PPARA: variants seen among roughly 807,000 people sequenced by gnomAD.
The protein encoded by PPARA is peroxisome proliferator-activated receptor alpha.
Under a neutral mutation model 42.2 loss-of-function variants are expected in PPARA, and 22 were observed. That is an observed-to-expected ratio of 0.52 (90% CI 0.37 to 0.74). The LOEUF is 0.74. Among genes scored for constraint, PPARA ranks in the 30% least tolerant of loss-of-function variants. The pLI, the probability that PPARA is intolerant of heterozygous loss-of-function variation, is 0.00. For synonymous variants in PPARA, 242 were observed against 239.3 expected (o/e 1.01, Z -0.10); for missense variants, 465 against 608.2 (o/e 0.76, Z 2.48).
At chr22:46,202,593 C>T (rs1932893570) in intron 4 of PPARA, among the ~76,000 whole-genome samples, 2 of 152,060 alleles carry the variant, frequency 1.3e-5, no homozygotes, top group African/African-American at 4.8e-5. Context: ...AAAAAATTAG[C>T]TGGGCGTGGA....
intron 4 of PPARA, among the ~76,000 whole-genome samples, chr22:46,213,316 C>T (rs1218854029): frequency 1.3e-5 from 2 of 152,126 alleles, no homozygotes; most frequent in African/African-American, 4.8e-5. Flanking sequence ...TCATGCTGAG[C>T]ATTGTTTCAT....
Position 46,198,335 on chromosome 22 carries a change from C to T in PPARA, c.-42-7C>T. On this transcript the variant is annotated splice_polypyrimidine_tract_variant and splice_region_variant and intron_variant, in intron 3 of 8. Transcript: ENST00000407236. The stretch of plus-strand genomic sequence containing the variant: ...CAGTCTTACCAATTGTTCCTCTTTC[C>T]TCCCAGTAGCTTGGAGCTCGGCGGC... 2 of 1,536,204 alleles carry T rather than the reference C, an allele frequency of 1.3e-6. No homozygotes were observed. Among genetic ancestry groups the T allele is most frequent in the Non-Finnish European group, 1.8e-6 (2 of 1,110,436 alleles).
intron 4 of PPARA, among the ~76,000 whole-genome samples, chr22:46,207,538 C>T (rs1933445906): frequency 6.6e-6 from 1 of 150,476 alleles, no homozygotes; most frequent in Non-Finnish European, 1.5e-5. Flanking sequence ...CCACCTCGGC[C>T]TCCCAAAGTG....
In PPARA at chr22:46,191,108, G is replaced by A. The variant is rs989532860; in HGVS notation, c.-42-7234G>A. 1.3e-5 allele frequency among the ~76,000 whole-genome samples: 2 copies of A among 151,996 alleles called. No homozygotes were observed. The highest frequency in any genetic ancestry group is 4.8e-5 in the African/African-American group (2 of 41,398). ...CTCAGGAGGCTGAGGCACGAGAATC[G>A]CTTGAACCCGGGAGGCGTGGGGTTG... On this transcript the variant is annotated intron_variant, in intron 3 of 8. Transcript: ENST00000407236. This position sits in a 1 kb window ranked among gnomAD's most constrained non-coding sequence, Gnocchi z 4.6.
intron 2 of PPARA, among the ~76,000 whole-genome samples, chr22:46,175,238 C>T (rs76562954): frequency 1.3e-5 from 2 of 152,266 alleles, no homozygotes; most frequent in Non-Finnish European, 2.9e-5. Context: ...TAACATCTTG[C>T]AAAGTGAGAG....
chr22:46,194,568 C>CTTTTT (rs1158744441), intron 3 of PPARA, among the ~76,000 whole-genome samples: 5 of 125,518 alleles, frequency 4.0e-5, no homozygotes, highest in Non-Finnish European at 8.2e-5. Context: ...TTGCTTTTTC[C>CTTTTT]TTTTTTTTTT....
rs1392812821 is a variant in PPARA at position 46,211,841 on chromosome 22, A to G, written c.209-3332A>G. On this transcript the variant is annotated intron_variant, in intron 4 of 8. Transcript: ENST00000407236. The surrounding 1 kb of genome is among the most constrained non-coding windows in gnomAD (Gnocchi z 4.1). ...GCTGGGACTACAGGCACGCACCACCACCCCTGGCTAACTTTTTGTATTTTT... is the reference window on the plus strand; with the variant it reads ...GCTGGGACTACAGGCACGCACCACCGCCCCTGGCTAACTTTTTGTATTTTT... 6.6e-6 allele frequency among the ~76,000 whole-genome samples: 1 copy of G among 151,044 alleles called. No individual in the cohort carries two copies. The highest frequency in any genetic ancestry group is 1.5e-5 in the Non-Finnish European group (1 of 67,804).
In PPARA at chr22:46,174,000, C is replaced by T. The variant is rs1442271499; in HGVS notation, c.-126-2753C>T. On this transcript the variant is annotated intron_variant, in intron 2 of 8. Transcript: ENST00000407236. This position sits in a 1 kb window ranked among gnomAD's most constrained non-coding sequence, Gnocchi z 4.3. ...TGGGTGGATTGTGAGGTCAGGAGAT[C>T]GAGACCCTCTCTACTAAAATACAAA... 1.6e-5 allele frequency among the ~76,000 whole-genome samples: 1 copy of T among 64,392 alleles called. No individual in the cohort carries two copies. Among genetic ancestry groups the T allele is most frequent in the African/African-American group, 1.6e-4 (1 of 6,218 alleles). The allele number at this position is 64,392 out of a possible 152,430, so 42.2% of individuals were successfully genotyped here.
At chr22:46,157,705 G>T (rs1024503716) in intron 2 of PPARA, among the ~76,000 whole-genome samples, 2 of 152,208 alleles carry the variant, frequency 1.3e-5, no homozygotes, top group African/African-American at 2.4e-5. Flanking sequence ...TGAAAGGGAA[G>T]TGAGGTGGGC....
rs973896490 is a variant in PPARA at position 46,230,380 on chromosome 22, A to AG, written c.712-1412_712-1411insG. ...GAGCAAAACTCTGTCTCAAAAAAAA[A>AG]AGAAATAACACCTTAGCCCACTGCA... On this transcript the variant is annotated intron_variant, in intron 7 of 8. Transcript: ENST00000407236. The surrounding 1 kb of genome is among the most constrained non-coding windows in gnomAD (Gnocchi z 5.0). 1.8e-4 allele frequency among the ~76,000 whole-genome samples: 27 copies of AG among 151,986 alleles called. No individual in the cohort carries two copies. Among genetic ancestry groups the AG allele is most frequent in the Non-Finnish European group, 3.5e-4 (24 of 68,004 alleles).
chr22:46,199,469 C>CA lies in PPARA; in HGVS notation c.208+886dup, dbSNP rs1240250700. On this transcript the variant is annotated intron_variant, in intron 4 of 8. Transcript: ENST00000407236. Reference sequence around the variant, plus strand: ...CCAACATGGTGAGGCCCCATCTATACAAAAAAAATTTAAAATTAAAAAAAA... The same window carrying CA: ...CCAACATGGTGAGGCCCCATCTATACAAAAAAAAATTTAAAATTAAAAAAAA... Among the ~76,000 whole-genome samples, 10 of 151,700 alleles carry CA rather than the reference C, an allele frequency of 6.6e-5. No individual in the cohort carries two copies. The South Asian group carries it at 8.3e-4, about 13-fold the overall frequency.
chr22:46,181,979 C>A (rs183139986), intron 3 of PPARA, among the ~76,000 whole-genome samples: 1 of 152,192 alleles, frequency 6.6e-6, no homozygotes, highest in Non-Finnish European at 1.5e-5. Context: ...GCTGGGAGTA[C>A]GGGTGTGCAC....
rs1933037403 is a variant in PPARA, at chr22:46,204,516, C to A, written c.208+5925C>A. Among the ~76,000 whole-genome samples the A allele has an allele frequency of 6.6e-6, 1 of 152,108 alleles. No homozygotes were observed. Among genetic ancestry groups the A allele is most frequent in the Non-Finnish European group, 1.5e-5 (1 of 68,016 alleles). On this transcript the variant is annotated intron_variant, in intron 4 of 8. Transcript: ENST00000407236. This position sits in a 1 kb window ranked among gnomAD's most constrained non-coding sequence, Gnocchi z 5.2. ...TGGGGGAGTTCCAGTTCCTCCATAC[C>A]CTCATCAACATGAGGCATGATCAGT...
intron 4 of PPARA, among the ~76,000 whole-genome samples, chr22:46,214,927 C>T (rs1934327777): frequency 6.6e-6 from 1 of 151,994 alleles, no homozygotes; most frequent in East Asian, 1.9e-4. Flanking sequence ...TGTGTGGGTC[C>T]GGAGCTCGGG....
rs568939648 is a variant in PPARA, at chr22:46,191,933, C to T, written c.-42-6409C>T. Among the ~76,000 whole-genome samples the T allele has an allele frequency of 3.2e-4, 48 of 152,238 alleles. No homozygotes were observed. The highest frequency in any genetic ancestry group is 8.4e-4 in the African/African-American group (35 of 41,564). The stretch of plus-strand genomic sequence containing the variant: ...ATACAAAAGTAGCCGGGCGTGGTGG[C>T]GCACGCCCGTAGTCCCAGCTACTCA... On this transcript the variant is annotated intron_variant, in intron 3 of 8. Transcript: ENST00000407236. This position sits in a 1 kb window ranked among gnomAD's most constrained non-coding sequence, Gnocchi z 4.6.
At position 46,180,575 on chromosome 22, in the gene PPARA, A is replaced by G. The variant is rs114495209; in HGVS notation, c.-43+3739A>G. Among the ~76,000 whole-genome samples the G allele has an allele frequency of 3.1e-3, 477 of 152,348 alleles. 3 individuals carry two copies. Among genetic ancestry groups the G allele is most frequent in the African/African-American group, 0.011 (461 of 41,580 alleles). On this transcript the variant is annotated intron_variant, in intron 3 of 8. Coordinates refer to ENST00000407236, the MANE Select transcript of PPARA (RefSeq NM_005036.6). The surrounding 1 kb of genome is among the most constrained non-coding windows in gnomAD (Gnocchi z 4.2). ...ACATGTTTTTCTTAAGATGTAAGGC[A>G]TGTCACAAGAATATCACAAGATGAT...
At position 46,162,751 on chromosome 22, in the gene PPARA, T is replaced by C. The variant is rs369031479; in HGVS notation, c.-127+10781T>C. Among the ~76,000 whole-genome samples the C allele has an allele frequency of 6.6e-6, 1 of 151,850 alleles. No individual in the cohort carries two copies. Among genetic ancestry groups the C allele is most frequent in the East Asian group, 1.9e-4 (1 of 5,202 alleles). ...CCACCGGTTGAGATACCTCAAGTTT[T>C]AAATGCCACCTCCTTCCTGAAGCCT... is the stretch of plus-strand genomic sequence containing the variant. On this transcript the variant is annotated intron_variant, in intron 2 of 8. Transcript: ENST00000407236. This position sits in a 1 kb window ranked among gnomAD's most constrained non-coding sequence, Gnocchi z 6.0.
In PPARA at chr22:46,231,353, G is replaced by A. The variant is rs941849894; in HGVS notation, c.712-439G>A. ...CCTGCCTCAGCCTCCCGAGTAGCTG[G>A]GACTACAGGCGCCCGCCACCACACC... On this transcript the variant is annotated intron_variant, in intron 7 of 8. Coordinates refer to ENST00000407236, the MANE Select transcript of PPARA (RefSeq NM_005036.6). The surrounding 1 kb of genome is among the most constrained non-coding windows in gnomAD (Gnocchi z 7.7). Among the ~76,000 whole-genome samples, 4 of 152,072 alleles carry A rather than the reference G, an allele frequency of 2.6e-5. No homozygotes were observed. Among genetic ancestry groups the A allele is most frequent in the Non-Finnish European group, 5.9e-5 (4 of 68,024 alleles).
At chr22:46,179,639 G>A (rs983972090) in intron 3 of PPARA, among the ~76,000 whole-genome samples, 1 of 151,888 alleles carries the variant, frequency 6.6e-6, no homozygotes, top group Admixed American at 6.6e-5. Flanking sequence ...AAAAATCTTT[G>A]TGACCTTGGT....
Sources: allele counts gnomAD v4.1 joint callset (sites outside exome capture counted in the v4.1 genomes callset), GRCh38; gene constraint gnomAD v4.1.1; non-coding constraint Gnocchi (gnomAD v3.1); transcripts MANE v1.5; gene names NCBI Gene and HGNC (gene_info 2026-07-23, HGNC 2026-07-21).